Variants in PCBP2 observed in about 807,000 individuals in gnomAD.
PCBP2 encodes the protein poly(rC)-binding protein 2.
Under a neutral mutation model 50.1 loss-of-function variants are expected in PCBP2, and 4 were observed. The ratio of observed to expected loss-of-function variants is 0.08; its 90% confidence interval spans 0.04 to 0.18. The LOEUF is 0.18. PCBP2 is among the 10% of genes least tolerant of loss of function. PCBP2 has a pLI of 1.00. For synonymous variants in PCBP2, 179 were observed against 168.0 expected, an observed-to-expected ratio of 1.07 and a Z score of -0.51; for missense variants, 161 against 474.3, an observed-to-expected ratio of 0.34 and a Z score of 6.14.
In PCBP2 at chr12:53,460,538, C is replaced by T. The variant is rs189341248; in HGVS notation, c.376-477C>T. On this transcript the variant is annotated intron_variant, in intron 6 of 14. Coordinates refer to ENST00000546463, the MANE Select transcript of PCBP2 (RefSeq NM_031989.5). ...CTGAATTTGGTGTTGGAATGAAACT[C>T]GAATGGCTGCTTGAGTTTTTGGGAG... The T allele has an allele frequency of 1.9e-4, 38 of 203,298 alleles. No homozygotes were observed. In the East Asian group the frequency reaches 5.3e-3, roughly 28 times the overall value. 12.6% of individuals were successfully genotyped at this position (203,298 alleles called of 1,614,324 possible). A position where few individuals can be genotyped will look rare whatever the true frequency, so the allele number is the denominator to read the frequency against.
In PCBP2 at chr12:53,456,195, G is replaced by T. The variant is rs573589702; in HGVS notation, c.243+194G>T. 95 of 575,540 alleles carry T rather than the reference G, an allele frequency of 1.7e-4. No homozygotes were observed. In the South Asian group the frequency reaches 1.8e-3, roughly 11 times the overall value. 35.7% of individuals were successfully genotyped at this position (575,540 alleles called of 1,614,324 possible). A position where few individuals can be genotyped will look rare whatever the true frequency, so the allele number is the denominator to read the frequency against. ...AAAAGAGTCACTTGAGGCTGGGCGT[G>T]GTGGCTCATGGCTGTAGTCCCAGCA... is the stretch of plus-strand genomic sequence containing the variant. On this transcript the variant is annotated intron_variant, in intron 5 of 14. Coordinates refer to ENST00000546463, the MANE Select transcript of PCBP2 (RefSeq NM_031989.5).
At chr12:53,458,217 C>T (rs755229882) in intron 5 of PCBP2, among the ~76,000 whole-genome samples, 5 of 152,110 alleles carry the variant, frequency 3.3e-5, no homozygotes, top group African/African-American at 9.7e-5. Context: ...CCTGAGCCAC[C>T]GTGCCCCGCC....
In PCBP2 at chr12:53,455,881, C is replaced by T; in HGVS notation, c.127-4C>T. 1 of 1,585,400 alleles carries T rather than the reference C, an allele frequency of 6.3e-7. No individual in the cohort carries two copies. ...ACTTCTTTTGGATCTTGTTTCCTAT[C>T]TAGAGTGGTGCACGTATCAACATCT... On this transcript the variant is annotated splice_polypyrimidine_tract_variant and splice_region_variant and intron_variant, in intron 4 of 14. Coordinates refer to ENST00000546463, the MANE Select transcript of PCBP2 (RefSeq NM_031989.5).
chr12:53,469,841 A>T (rs1291191625), intron 13 of PCBP2, among the ~76,000 whole-genome samples: 2 of 138,712 alleles, frequency 1.4e-5, no homozygotes. Flanking sequence ...TCCTGGGTTC[A>T]AGCAATTTTC....
At chr12:53,468,548 G>A (rs1159497413) in intron 12 of PCBP2, 6 of 539,330 alleles carry the variant, frequency 1.1e-5, no homozygotes, top group Non-Finnish European at 2.0e-5. Flanking sequence ...GGCTTTGCAG[G>A]AAATGGCATG....
At position 53,479,452 on chromosome 12, in the gene PCBP2, G is replaced by T; in HGVS notation, c.*10G>T. ...CATGGGGAGCAGCTAGAACAATGCA[G>T]ATTCATCCATAATCCCTTTCTGCTG... is the stretch of plus-strand genomic sequence containing the variant. On this transcript the variant is annotated 3_prime_UTR_variant, in exon 15 of 15. Transcript: ENST00000546463. 6.2e-7 allele frequency: 1 copy of T among 1,612,724 alleles called. No homozygotes were observed. Among genetic ancestry groups the T allele is most frequent in the Non-Finnish European group, 8.5e-7 (1 of 1,179,002 alleles).
At chr12:53,470,942 T>C (rs548989986) in intron 13 of PCBP2, among the ~76,000 whole-genome samples, 2 of 152,252 alleles carry the variant, frequency 1.3e-5, no homozygotes, top group Admixed American at 1.3e-4. Flanking sequence ...GTTTTGGCTC[T>C]GCTTTGTCTT....
chr12:53,460,884 C>G (rs769058412), intron 6 of PCBP2, 131 bp from the exon 7 acceptor site: 9 of 987,604 alleles, frequency 9.1e-6, no homozygotes, highest in Non-Finnish European at 1.2e-5. Flanking sequence ...AAGAGTGGGA[C>G]AAAGAACAAA....
Position 53,456,451 on chromosome 12 carries a change from C to CT in PCBP2, c.243+451dup. Among the ~76,000 whole-genome samples the CT allele has an allele frequency of 4.0e-5, 6 of 150,278 alleles. No individual in the cohort carries two copies. The South Asian group carries it at 1.3e-3, about 32-fold the overall frequency. On this transcript the variant is annotated intron_variant, in intron 5 of 14. Transcript: ENST00000546463. ...CCAGCCTGGGCAACAGAGTGAGACT[C>CT]TGTCTCAAAAAAAAAAAAAAGTCAC...
chr12:53,452,148 T>TC lies in PCBP2; in HGVS notation c.-303dup, dbSNP rs1940565947. ...GCCGGAGCAGCCGCAGCCTGCGCCC[T>TC]CTCCCGCCCGCCCGCCCTCCGCCCG... On this transcript the variant is annotated 5_prime_UTR_variant, in exon 1 of 15. Coordinates refer to ENST00000546463, the MANE Select transcript of PCBP2 (RefSeq NM_031989.5). 1.2e-5 allele frequency: 1 copy of TC among 82,178 alleles called. No individual in the cohort carries two copies. Among genetic ancestry groups the TC allele is most frequent in the Non-Finnish European group, 2.4e-5 (1 of 41,318 alleles). 5.1% of individuals were successfully genotyped at this position (82,178 alleles called of 1,614,324 possible).
intron 11 of PCBP2, 39 bp from the exon 12 acceptor site, chr12:53,467,766 A>G: frequency 6.4e-7 from 1 of 1,562,674 alleles, no homozygotes; most frequent in Non-Finnish European, 8.8e-7. Flanking sequence ...TAGGGTTAGG[A>G]TGAGACCACC....
At chr12:53,457,587 C>T (rs2137029192) in intron 5 of PCBP2, among the ~76,000 whole-genome samples, 1 of 151,456 alleles carries the variant, frequency 6.6e-6, no homozygotes, top group East Asian at 2.0e-4. Context: ...CTCAAGCAAT[C>T]CTCCTGTCTC....
chr12:53,453,557 T>C (rs554094350), intron 1 of PCBP2, among the ~76,000 whole-genome samples: 1 of 152,276 alleles, frequency 6.6e-6, no homozygotes, highest in South Asian at 2.1e-4. Context: ...ACCTAAGATA[T>C]TTAGGGTATG....
intron 6 of PCBP2, chr12:53,460,502 T>C (rs926111233): frequency 3.5e-5 from 8 of 226,858 alleles, no homozygotes; most frequent in Non-Finnish European, 7.4e-5. Context: ...TTTAATTGTA[T>C]CTAGATGTTA....
At chr12:53,452,451 G>C (rs1418320771) in intron 1 of PCBP2, 75 bp downstream of exon 1, 2 of 150,548 alleles carry the variant, frequency 1.3e-5, no homozygotes, top group Non-Finnish European at 3.0e-5. Flanking sequence ...TAGCCGGCTC[G>C]GGTCCTAGTC....
Position 53,468,803 on chromosome 12 carries a change from A to G in PCBP2, c.853A>G (p.Thr285Ala). Residue 285 changes from threonine to alanine, a missense_variant, in exon 13 of 15, where the codon ACT (threonine) becomes GCT (alanine). Thr to Ala is a moderately conservative substitution (Grantham distance 58). Coordinates refer to ENST00000546463, the MANE Select transcript of PCBP2 (RefSeq NM_031989.5). ...AGGTTTGGATGCATCTGCTCAGACT[A>G]CTTCTCATGAACTCACCATTCCAAA... is the stretch of plus-strand genomic sequence containing the variant. ...WAGLDASAQT[T>A]SHELTIPNDL... 1.9e-6 allele frequency: 3 copies of G among 1,613,676 alleles called. No individual in the cohort carries two copies. Among genetic ancestry groups the G allele is most frequent in the African/African-American group, 1.3e-5 (1 of 74,994 alleles).
chr12:53,474,334 G>A (rs1316318820), intron 14 of PCBP2, among the ~76,000 whole-genome samples: 1 of 152,132 alleles, frequency 6.6e-6, no homozygotes, highest in Non-Finnish European at 1.5e-5. Context: ...TTGGACTCTT[G>A]TCTCTTTCCA....
intron 6 of PCBP2, chr12:53,459,691 C>G: frequency 3.9e-6 from 1 of 254,050 alleles, no homozygotes; most frequent in East Asian, 9.9e-5. Context: ...CTACATAGTT[C>G]TTTTTCATGT....
intron 14 of PCBP2, among the ~76,000 whole-genome samples, chr12:53,476,952 G>T (rs1385561646): frequency 1.3e-5 from 2 of 152,104 alleles, no homozygotes; most frequent in Non-Finnish European, 2.9e-5. Flanking sequence ...TAACCTAATG[G>T]CTATTCCCCA....
Sources: allele counts gnomAD v4.1 joint callset (sites outside exome capture counted in the v4.1 genomes callset), GRCh38; gene constraint gnomAD v4.1.1; transcripts MANE v1.5; gene names NCBI Gene and HGNC (gene_info 2026-07-23, HGNC 2026-07-21).